Variants in NRTN observed in about 807,000 individuals in gnomAD.
The protein encoded by NRTN is neurturin, also known as prepro-neurturin.
A neutral mutation model predicts 7.5 loss-of-function variants in NRTN; 3 were observed. That is an observed-to-expected ratio of 0.40 (90% CI 0.18 to 1.03). NRTN has a LOEUF of 1.03. NRTN is among the 50% of genes least tolerant of loss of function. The pLI is 0.34. For missense variants in NRTN, 310 were observed against 307.0 expected (o/e 1.01, Z -0.07); for synonymous variants, 157 against 146.6 (o/e 1.07, Z -0.51).
chr19:5,825,808 G>A (rs891701762), intron 2 of NRTN, among the ~76,000 whole-genome samples: 1 of 152,200 alleles, frequency 6.6e-6, no homozygotes, highest in Admixed American at 6.5e-5. Context: ...AGCCAGCCCC[G>A]CTGCAGGGAG....
intron 2 of NRTN, among the ~76,000 whole-genome samples, chr19:5,825,423 C>T (rs939722604): frequency 1.3e-5 from 2 of 152,186 alleles, no homozygotes; most frequent in Non-Finnish European, 2.9e-5. Context: ...CCCATGTGCG[C>T]GTCTGCGCCC....
intron 2 of NRTN, among the ~76,000 whole-genome samples, chr19:5,824,986 G>T (rs932706456): frequency 6.6e-5 from 10 of 152,110 alleles, no homozygotes; most frequent in Non-Finnish European, 7.4e-5. Flanking sequence ...GTTGGCCCCC[G>T]CGGCGCAGCA....
At position 5,818,368 on chromosome 19, in the gene NRTN, C is replaced by T. The variant is rs190502470; in HGVS notation, c.-398-5400C>T. Among the ~76,000 whole-genome samples, 26 of 151,980 alleles carry T rather than the reference C, an allele frequency of 1.7e-4. No individual in the cohort carries two copies. The East Asian group carries it at 4.4e-3, about 26-fold the overall frequency. The stretch of plus-strand genomic sequence containing the variant: ...GTGTGAGTGTGTGAGTGTGTGTATA[C>T]GAGTATGAAAGAACCTGAGTGTGAG... On this transcript the variant is annotated intron_variant, in intron 1 of 2. Transcript: ENST00000303212.
chr19:5,823,629 C>G (rs541613618), intron 1 of NRTN, among the ~76,000 whole-genome samples, 139 bp from the exon 2 acceptor site: 1 of 152,278 alleles, frequency 6.6e-6, no homozygotes, highest in Non-Finnish European at 1.5e-5. Flanking sequence ...TGGAGGACAC[C>G]AGCATGTAGG....
intron 1 of NRTN, among the ~76,000 whole-genome samples, chr19:5,822,139 G>A (rs1319739178): frequency 1.3e-5 from 2 of 152,144 alleles, no homozygotes; most frequent in African/African-American, 4.8e-5. Context: ...GGGGTGAGTG[G>A]GGTGGGGAAG....
At chr19:5,817,690 T>C (rs2057010295) in intron 1 of NRTN, among the ~76,000 whole-genome samples, 2 of 152,060 alleles carry the variant, frequency 1.3e-5, no homozygotes, top group African/African-American at 4.8e-5. Flanking sequence ...TGTGATTGTG[T>C]TTCAATGCGT....
At chr19:5,818,116 A>G (rs1404753819) in intron 1 of NRTN, among the ~76,000 whole-genome samples, 2 of 151,636 alleles carry the variant, frequency 1.3e-5, no homozygotes, top group East Asian at 3.9e-4. Context: ...GGCGCCCACC[A>G]CCACACCCGG....
rs746795975 is a variant in NRTN, at chr19:5,824,186, G to T, written c.21G>T (p.Ala7=). The change falls in exon 2 of 3, where the codon GCG becomes GCT. Residue 7 remains alanine, a synonymous_variant. Coordinates refer to ENST00000303212, the MANE Select transcript of NRTN (RefSeq NM_004558.5). The part of the protein sequence containing the change: MQRWKA[A]ALASVLCSSV... ...TGAGGATGCAGCGCTGGAAGGCGGCGGCCTTGGCCTCAGTGCTCTGCAGCT... is the reference window on the plus strand; with the variant it reads ...TGAGGATGCAGCGCTGGAAGGCGGCTGCCTTGGCCTCAGTGCTCTGCAGCT... The T allele has an allele frequency of 2.5e-6, 4 of 1,609,934 alleles. No individual in the cohort carries two copies. Among genetic ancestry groups the T allele is most frequent in the Non-Finnish European group, 2.5e-6 (3 of 1,179,904 alleles).
At chr19:5,821,294 CTTTTTTT>C (rs33932385) in intron 1 of NRTN, among the ~76,000 whole-genome samples, 13 of 49,178 alleles carry the variant, frequency 2.6e-4, no homozygotes, top group Non-Finnish European at 3.8e-4. Flanking sequence ...CAGTGCCTAG[CTTTTTTT>C]TTTTTTTTTT....
In NRTN at chr19:5,806,533, G is replaced by A. The variant is rs1283807987; in HGVS notation, c.-399+1082G>A. Among the ~76,000 whole-genome samples the A allele has an allele frequency of 6.6e-6, 1 of 152,134 alleles. No homozygotes were observed. Among genetic ancestry groups the A allele is most frequent in the African/African-American group, 2.4e-5 (1 of 41,426 alleles). On this transcript the variant is annotated intron_variant, in intron 1 of 2. Coordinates refer to ENST00000303212, the MANE Select transcript of NRTN (RefSeq NM_004558.5). This position sits in a 1 kb window ranked among gnomAD's most constrained non-coding sequence, Gnocchi z 5.4. ...AGGAAGCCTGGGTGGGGTGTGACCA[G>A]CCTCAGAGGATGTCAGTGAGGGGCA... is the stretch of plus-strand genomic sequence containing the variant.
In NRTN at chr19:5,820,735, C is replaced by CAAAAAAAAAAAAAAAAA. The variant is rs1332878144; in HGVS notation, c.-398-3031_-398-3030insAAAAAAAAAAAAAAAAA. Among the ~76,000 whole-genome samples, 6 of 62,134 alleles carry CAAAAAAAAAAAAAAAAA rather than the reference C, an allele frequency of 9.7e-5. 1 individual carries two copies. Among genetic ancestry groups the CAAAAAAAAAAAAAAAAA allele is most frequent in the Admixed American group, 7.3e-4 (3 of 4,112 alleles). The allele number at this position is 62,134 out of a possible 152,430, so 40.8% of individuals were successfully genotyped here. A position where few individuals can be genotyped will look rare whatever the true frequency, so the allele number is the denominator to read the frequency against. On this transcript the variant is annotated intron_variant, in intron 1 of 2. Transcript: ENST00000303212. Reference sequence around the variant, plus strand: ...TGGGCAACAGAGTGAAACTCTGTCTCAAGAAAAAAAAAAAAAAAAAAAAAA... The same window carrying CAAAAAAAAAAAAAAAAA: ...TGGGCAACAGAGTGAAACTCTGTCTCAAAAAAAAAAAAAAAAAAAGAAAAAAAAAAAAAAAAAAAAAA...
At position 5,824,114 on chromosome 19, in the gene NRTN, T is replaced by C. The variant is rs910594683; in HGVS notation, c.-52T>C. On this transcript the variant is annotated 5_prime_UTR_variant, in exon 2 of 3. Transcript: ENST00000303212. ...CCAGCGCCCTGTGCCCGTTGGCTGC[T>C]GGAGGGACAGACGGGGCGTGCGGCT... The C allele has an allele frequency of 6.4e-5, 102 of 1,598,586 alleles. 1 individual carries two copies. The South Asian group carries it at 7.1e-4, about 11-fold the overall frequency.
intron 1 of NRTN, among the ~76,000 whole-genome samples, chr19:5,820,455 A>C (rs1394549405): frequency 6.7e-6 from 1 of 149,934 alleles, no homozygotes; most frequent in Non-Finnish European, 1.5e-5. Flanking sequence ...AGTCCCAGCT[A>C]CTCTGGAGGC....
Position 5,805,190 on chromosome 19 carries a change from G to A in NRTN, c.-660G>A, listed in dbSNP as rs1004389833. The stretch of plus-strand genomic sequence containing the variant: ...CCGTCCGTGCGCCCCCGCGCCCCGC[G>A]CCCTCTGAGCCGCCGGCCGTCCAGG... On this transcript the variant is annotated 5_prime_UTR_variant, in exon 1 of 3. Transcript: ENST00000303212. Among the ~76,000 whole-genome samples the A allele has an allele frequency of 4.1e-5, 6 of 146,484 alleles. No individual in the cohort carries two copies. Among genetic ancestry groups the A allele is most frequent in the Non-Finnish European group, 6.1e-5 (4 of 65,890 alleles).
chr19:5,808,825 G>A (rs1422785372), intron 1 of NRTN, among the ~76,000 whole-genome samples: 1 of 148,586 alleles, frequency 6.7e-6, no homozygotes. Context: ...GTGCGATCTC[G>A]GCTCACTGCA....
At chr19:5,822,343 C>T (rs957786126) in intron 1 of NRTN, among the ~76,000 whole-genome samples, 3 of 152,216 alleles carry the variant, frequency 2.0e-5, no homozygotes, top group Non-Finnish European at 2.9e-5. Context: ...CGCATCCAGC[C>T]CGGCTTTCAG....
At chr19:5,807,156 CA>C (rs1337549969) in intron 1 of NRTN, among the ~76,000 whole-genome samples, 1 of 152,128 alleles carries the variant, frequency 6.6e-6, no homozygotes, top group African/African-American at 2.4e-5. Context: ...GGTGGCTGTG[CA>C]TGCAAAGATC....
chr19:5,823,358 A>G (rs1465771409), intron 1 of NRTN, among the ~76,000 whole-genome samples: 1 of 152,292 alleles, frequency 6.6e-6, no homozygotes, highest in Non-Finnish European at 1.5e-5. Flanking sequence ...CAGAGGTTGC[A>G]GTGAGCTGAG....
intron 1 of NRTN, among the ~76,000 whole-genome samples, chr19:5,816,899 ATG>A (rs1330082627): frequency 1.3e-5 from 2 of 152,244 alleles, no homozygotes; most frequent in Admixed American, 1.3e-4. Context: ...ACGCCCTAGC[ATG>A]TGAGCACGAC....
Sources: gnomAD v4.1 joint callset for allele counts (sites outside exome capture counted in the v4.1 genomes callset) on GRCh38, gnomAD v4.1.1 for gene constraint, Gnocchi (gnomAD v3.1) non-coding constraint, MANE v1.5 for transcripts, NCBI Gene and HGNC (gene_info 2026-07-23, HGNC 2026-07-21) for gene names.